The following CDH23 variants were observed in gnomAD, a reference collection of about 807,000 sequenced individuals.
The protein encoded by CDH23 is cadherin-23.
CDH23 carries 189 observed loss-of-function variants against 317.1 expected under a neutral mutation model. The ratio of observed to expected loss-of-function variants is 0.60; its 90% CI spans 0.53 to 0.67. CDH23 has a LOEUF of 0.67. CDH23 is among the 30% of genes least tolerant of loss of function. CDH23 has a pLI of 0.00. For synonymous variants in CDH23, 1,839 were observed against 1,876.8 expected, an observed-to-expected ratio of 0.98 and a Z score of 0.52; for missense variants, 4,401 against 4,592.4, an observed-to-expected ratio of 0.96 and a Z score of 1.20.
chr10:71,730,286 C>T (rs77692593), intron 30 of CDH23, among the ~76,000 whole-genome samples, 183 bp from the exon 31 acceptor site: 9 of 152,352 alleles, frequency 5.9e-5, no homozygotes, highest in South Asian at 2.1e-4. Context: ...GCACCTGCCA[C>T]GCGCCAGGTG....
intron 14 of CDH23, among the ~76,000 whole-genome samples, chr10:71,652,768 C>T (rs955617620): frequency 6.6e-6 from 1 of 152,170 alleles, no homozygotes; most frequent in Admixed American, 6.5e-5. Context: ...AGCACGGGCC[C>T]TGGGCAAGGA....
chr10:71,654,496 C>A (rs913388268), intron 14 of CDH23, among the ~76,000 whole-genome samples: 2 of 152,214 alleles, frequency 1.3e-5, no homozygotes, highest in African/African-American at 4.8e-5. Context: ...TGGCATAAAG[C>A]AATAGCTGTT....
intron 9 of CDH23, among the ~76,000 whole-genome samples, chr10:71,586,862 C>T (rs1187952949): frequency 1.3e-5 from 2 of 152,228 alleles, no homozygotes; most frequent in South Asian, 4.1e-4. Context: ...ATATCCAAGA[C>T]TCATCCATGC....
At chr10:71,812,443 T>TGCCCA in intron 66 of CDH23, 37 bp from the exon 67 acceptor site, 4 of 1,538,012 alleles carry the variant, frequency 2.6e-6, no homozygotes, top group Non-Finnish European at 2.7e-6. Flanking sequence ...ACTCGAGCCT[T>TGCCCA]CCCTCCCTCC....
At chr10:71,601,199 G>A (rs1407801816) in intron 9 of CDH23, among the ~76,000 whole-genome samples, 2 of 152,232 alleles carry the variant, frequency 1.3e-5, no homozygotes, top group Non-Finnish European at 1.5e-5. Flanking sequence ...TTTCTAGGGA[G>A]GAGTAGGAGA....
At chr10:71,543,088 C>T (rs932116397) in intron 6 of CDH23, among the ~76,000 whole-genome samples, 5 of 152,218 alleles carry the variant, frequency 3.3e-5, no homozygotes, top group Non-Finnish European at 5.9e-5. Context: ...CAGAACAGCC[C>T]GAATGCACAG....
intron 41 of CDH23, among the ~76,000 whole-genome samples, chr10:71,783,895 G>A (rs765811762): frequency 2.6e-5 from 4 of 152,212 alleles, no homozygotes; most frequent in East Asian, 1.9e-4. Flanking sequence ...CGTACATTGC[G>A]AAGCACCTGA....
intron 48 of CDH23, among the ~76,000 whole-genome samples, chr10:71,796,314 C>T (rs1208217777): frequency 2.6e-5 from 4 of 152,320 alleles, no homozygotes; most frequent in Admixed American, 6.5e-5. Flanking sequence ...AGTCCCCGCC[C>T]ATGCTTCTGG....
At chr10:71,730,708 C>A in intron 31 of CDH23, 104 bp downstream of exon 31, 1 of 1,505,600 alleles carries the variant, frequency 6.6e-7, no homozygotes, top group East Asian at 2.4e-5. Flanking sequence ...CTTCAGGCTC[C>A]CCATTTAGCC....
rs113668352 is a variant in CDH23 at position 71,605,985 on chromosome 10, G to T, written c.833-9519G>T. Among the ~76,000 whole-genome samples the T allele has an allele frequency of 1.3e-3, 203 of 152,306 alleles. 1 individual carries two copies. Among genetic ancestry groups the T allele is most frequent in the African/African-American group, 4.4e-3 (181 of 41,556 alleles). ...TCAAAACATCCTCAGAGGACCAGGG[G>T]CCGCCTCTCTGAGGCTTTCCATTTT... is the stretch of plus-strand genomic sequence containing the variant. On this transcript the variant is annotated intron_variant, in intron 9 of 69. Coordinates refer to ENST00000224721, the MANE Select transcript of CDH23 (RefSeq NM_022124.6).
chr10:71,660,148 A>G (rs1461057516), intron 14 of CDH23, among the ~76,000 whole-genome samples: 2 of 151,790 alleles, frequency 1.3e-5, no homozygotes, highest in Admixed American at 1.3e-4. Context: ...TTTAGTAGAG[A>G]TGGGGTTTCA....
chr10:71,582,223 T>C (rs2132415008), intron 9 of CDH23, among the ~76,000 whole-genome samples: 1 of 152,336 alleles, frequency 6.6e-6, no homozygotes, highest in East Asian at 1.9e-4. Flanking sequence ...TCCATGGTAG[T>C]GACCTCTAGC....
intron 3 of CDH23, among the ~76,000 whole-genome samples, chr10:71,475,454 G>C (rs1285761195): frequency 2.0e-5 from 3 of 152,224 alleles, no homozygotes; most frequent in Admixed American, 6.5e-5. Context: ...TAGGAGGGCG[G>C]TTGAGGACAG....
At chr10:71,438,455 A>T (rs1308857388) in intron 1 of CDH23, among the ~76,000 whole-genome samples, 1 of 152,152 alleles carries the variant, frequency 6.6e-6, no homozygotes, top group African/African-American at 2.4e-5. Context: ...TGTTTTAAGT[A>T]TAATATCAGA....
chr10:71,566,212 G>T (rs1468117454), intron 6 of CDH23, among the ~76,000 whole-genome samples: 2 of 152,160 alleles, frequency 1.3e-5, no homozygotes, highest in Admixed American at 1.3e-4. Context: ...CATTCAGGTT[G>T]ACACTTGTCT....
chr10:71,437,480 T>G (rs1417551707), intron 1 of CDH23, among the ~76,000 whole-genome samples: 1 of 152,156 alleles, frequency 6.6e-6, no homozygotes, highest in African/African-American at 2.4e-5. Context: ...TGGCCTGGAG[T>G]GCTGTCTGTG....
Position 71,730,465 on chromosome 10 carries a change from A to G in CDH23, c.3580-4A>G, listed in dbSNP as rs1385722481. 3.7e-6 allele frequency: 6 copies of G among 1,613,314 alleles called. No homozygotes were observed. Among genetic ancestry groups the G allele is most frequent in the East Asian group, 2.2e-5 (1 of 44,888 alleles). ...ACCTTGCACCCCTGGCCCGGCTCCC[A>G]CAGGTGATTGTGTACGTGGAGGACA... On this transcript the variant is annotated splice_region_variant and splice_polypyrimidine_tract_variant and intron_variant, in intron 30 of 69. Transcript: ENST00000224721.
At chr10:71,784,818 C>T in intron 42 of CDH23, 73 bp from the exon 43 acceptor site, 1 of 1,277,628 alleles carries the variant, frequency 7.8e-7, no homozygotes, top group Non-Finnish European at 1.1e-6. Context: ...CCTTGGCGAA[C>T]CTCCTCCTCG....
intron 3 of CDH23, among the ~76,000 whole-genome samples, chr10:71,464,711 G>A (rs1425421889): frequency 6.6e-6 from 1 of 152,218 alleles, no homozygotes; most frequent in Non-Finnish European, 1.5e-5. Context: ...CAGGCCTCCT[G>A]TGGATGACTG....
Sources: allele counts gnomAD v4.1 joint callset (sites outside exome capture counted in the v4.1 genomes callset), GRCh38; gene constraint gnomAD v4.1.1; transcripts MANE v1.5; gene names NCBI Gene and HGNC (gene_info 2026-07-23, HGNC 2026-07-21).